Variants in PRR16 observed in about 807,000 individuals in gnomAD.
PRR16 encodes proline rich 16.
Under a neutral mutation model 18.2 loss-of-function variants are expected in PRR16, and 6 were observed. That is an observed-to-expected ratio of 0.33 (90% CI 0.18 to 0.65). The LOEUF is 0.65. Ranked by LOEUF, PRR16 falls within the 30% of genes least tolerant of loss-of-function variation. The pLI, the probability that PRR16 is intolerant of heterozygous loss-of-function variation, is 0.74. For synonymous variants in PRR16, 151 were observed against 147.8 expected (o/e 1.02, Z -0.16); for missense variants, 412 against 376.6 (o/e 1.09, Z -0.78).
chr5:120,710,270 A>G, the PRR16 span, among the ~76,000 whole-genome samples: 4 of 152,138 alleles, frequency 2.6e-5, no homozygotes, highest in Admixed American at 6.6e-5. Context: ...CCAGGGGTAC[A>G]ACCGGCTGGT....
At chr5:120,587,511 C>A (rs997169016) in intron 1 of PRR16, among the ~76,000 whole-genome samples, 1 of 152,112 alleles carries the variant, frequency 6.6e-6, no homozygotes, top group Non-Finnish European at 1.5e-5. Flanking sequence ...TTCTGAAAAT[C>A]CTGGTGCCCT....
intron 1 of PRR16, among the ~76,000 whole-genome samples, chr5:120,590,966 T>A (rs930402777): frequency 1.1e-4 from 16 of 152,120 alleles, no homozygotes; most frequent in African/African-American, 3.9e-4. Context: ...TATTCCAAAC[T>A]GTTCTAATTC....
chr5:120,541,783 C>G (rs939034513), intron 1 of PRR16, among the ~76,000 whole-genome samples: 29 of 152,106 alleles, frequency 1.9e-4, no homozygotes, highest in African/African-American at 6.8e-4. Flanking sequence ...TGGGGTCATA[C>G]AACTTTCAGG....
intron 1 of PRR16, among the ~76,000 whole-genome samples, chr5:120,595,433 T>C (rs893595631): frequency 1.8e-5 from 1 of 54,306 alleles, no homozygotes; most frequent in African/African-American, 5.2e-5. Flanking sequence ...TATCAAAAAG[T>C]CAAAAAAAAA....
In PRR16 at chr5:120,686,161, C is replaced by T; in HGVS notation, c.367C>T (p.Pro123Ser). The T allele has an allele frequency of 6.2e-7, 1 of 1,613,592 alleles. No homozygotes were observed. The highest frequency in any genetic ancestry group is 1.1e-5 in the South Asian group (1 of 91,054). ...CACGGTCCTGAGAAAGCCAAACCCT[C>T]CACCACCTCCTCCAAGGTTGACACC... ...ILTVLRKPNP[P>S]PPPPRLTPVK... Residue 123 changes from proline to serine, a missense_variant, in exon 2 of 2, where the codon CCA becomes TCA. Physicochemically the swap from Pro to Ser is moderately conservative, Grantham distance 74 (BLOSUM62 -1). Coordinates refer to ENST00000407149, the MANE Select transcript of PRR16 (RefSeq NM_001300783.2).
chr5:120,645,836 C>T (rs1406843836), intron 1 of PRR16, among the ~76,000 whole-genome samples: 1 of 151,674 alleles, frequency 6.6e-6, no homozygotes, highest in Non-Finnish European at 1.5e-5. Context: ...ATAACAATGA[C>T]TAGAAGAAAA....
chr5:120,575,380 T>C (rs1270205938), intron 1 of PRR16, among the ~76,000 whole-genome samples: 1 of 144,054 alleles, frequency 6.9e-6, no homozygotes, highest in Non-Finnish European at 1.5e-5. Flanking sequence ...ATATCTCTGA[T>C]GAACATAGAT....
intron 1 of PRR16, among the ~76,000 whole-genome samples, chr5:120,580,309 A>G (rs1189071050): frequency 6.6e-6 from 1 of 152,038 alleles, no homozygotes; most frequent in Non-Finnish European, 1.5e-5. Context: ...GTCTTGTATC[A>G]GTTTTCAAAG....
At chr5:120,662,712 A>G (rs1470336259) in intron 1 of PRR16, among the ~76,000 whole-genome samples, 1 of 152,118 alleles carries the variant, frequency 6.6e-6, no homozygotes, top group African/African-American at 2.4e-5. Context: ...CTGGACCTGA[A>G]AAGTGTGGTA....
intron 1 of PRR16, among the ~76,000 whole-genome samples, chr5:120,643,917 A>G (rs745805489): frequency 9.9e-5 from 15 of 152,084 alleles, no homozygotes; most frequent in Non-Finnish European, 2.1e-4. Flanking sequence ...AGACAGGAAA[A>G]TTGCTTGAAC....
chr5:120,571,921 A>G (rs1056509540), intron 1 of PRR16, among the ~76,000 whole-genome samples: 1 of 152,090 alleles, frequency 6.6e-6, no homozygotes, highest in South Asian at 2.1e-4. Flanking sequence ...TGACAGGGAC[A>G]TCTAGAAGGT....
the PRR16 span, among the ~76,000 whole-genome samples, chr5:120,767,216 G>A: frequency 1.3e-5 from 2 of 151,900 alleles, no homozygotes; most frequent in African/African-American, 4.8e-5. Flanking sequence ...TTTAAGAGCT[G>A]TTAATAATGT....
chr5:120,546,162 G>A (rs189420082), intron 1 of PRR16, among the ~76,000 whole-genome samples: 1 of 152,126 alleles, frequency 6.6e-6, no homozygotes, highest in East Asian at 1.9e-4. Flanking sequence ...TAAGTATCAT[G>A]TTGCTCTATA....
At chr5:120,595,743 G>A (rs899392713) in intron 1 of PRR16, among the ~76,000 whole-genome samples, 1 of 151,882 alleles carries the variant, frequency 6.6e-6, no homozygotes, top group African/African-American at 2.4e-5. Flanking sequence ...TAGAATTTGT[G>A]ATGTTCTTAT....
intron 1 of PRR16, among the ~76,000 whole-genome samples, chr5:120,486,075 G>C (rs1749790011): frequency 6.6e-6 from 1 of 152,234 alleles, no homozygotes; most frequent in Admixed American, 6.5e-5. Flanking sequence ...TTGGTTCCAA[G>C]TCTTTGCTAT....
At chr5:120,633,986 A>C (rs1198787312) in intron 1 of PRR16, among the ~76,000 whole-genome samples, 1 of 152,204 alleles carries the variant, frequency 6.6e-6, no homozygotes, top group East Asian at 1.9e-4. Context: ...TGCAGAATAT[A>C]CATACTATTC....
At chr5:120,769,280 AC>A in the PRR16 span, among the ~76,000 whole-genome samples, 1 of 151,832 alleles carries the variant, frequency 6.6e-6, no homozygotes, top group Non-Finnish European at 1.5e-5. Context: ...ACACTATGAT[AC>A]CATCACCAGT....
the PRR16 span, among the ~76,000 whole-genome samples, chr5:120,722,495 C>T: frequency 1.3e-5 from 2 of 152,088 alleles, no homozygotes; most frequent in South Asian, 2.1e-4. Context: ...GTAGAAAATG[C>T]TCTTACAGAC....
chr5:120,775,796 A>ATTTT, the PRR16 span, among the ~76,000 whole-genome samples: 1 of 80,610 alleles, frequency 1.2e-5, no homozygotes, highest in Non-Finnish European at 2.5e-5. Flanking sequence ...ACGCCTGGCT[A>ATTTT]TTTTTTTTTT....
Sources: allele counts gnomAD v4.1 joint callset (sites outside exome capture counted in the v4.1 genomes callset), GRCh38; gene constraint gnomAD v4.1.1; transcripts MANE v1.5; gene names NCBI Gene and HGNC (gene_info 2026-07-23, HGNC 2026-07-21).